Variants in RBFOX3 observed in about 807,000 individuals in gnomAD.
The protein encoded by RBFOX3 is RNA binding protein fox-1 homolog 3.
In RBFOX3, 17 loss-of-function variants were observed where a neutral mutation model predicts 48.7. The observed-to-expected ratio is 0.35, with a 90% CI of 0.24 to 0.52. RBFOX3 has a LOEUF of 0.52. Among genes scored for constraint, RBFOX3 ranks in the 20% least tolerant of loss-of-function variants. RBFOX3 has a pLI of 0.94. For missense variants in RBFOX3, 382 were observed against 497.5 expected (o/e 0.77, Z 2.21); for synonymous variants, 212 against 209.5 (o/e 1.01, Z -0.10).
intron 2 of RBFOX3, among the ~76,000 whole-genome samples, chr17:79,331,473 C>G (rs1320769874): frequency 6.6e-6 from 1 of 152,216 alleles, no homozygotes; most frequent in Non-Finnish European, 1.5e-5. Context: ...GGGGACCCAA[C>G]ACAAATGTTT....
At chr17:79,580,817 A>G (rs919485113) in intron 1 of RBFOX3, among the ~76,000 whole-genome samples, 38 of 152,246 alleles carry the variant, frequency 2.5e-4, no homozygotes, top group African/African-American at 8.7e-4. Context: ...GCCCCATATC[A>G]ATGACTTTGG....
the RBFOX3 span, among the ~76,000 whole-genome samples, chr17:79,653,950 C>G: frequency 6.6e-6 from 1 of 151,448 alleles, no homozygotes; most frequent in Non-Finnish European, 1.5e-5. Flanking sequence ...GTTAGGGCAC[C>G]TGTACTGGAA....
chr17:79,115,531 G>A lies in RBFOX3; in HGVS notation c.185C>T (p.Ala62Val), dbSNP rs1289325621. 7 of 1,345,652 alleles carry A rather than the reference G, an allele frequency of 5.2e-6. No individual in the cohort carries two copies. In the East Asian group the frequency reaches 1.5e-4, roughly 29 times the overall value. The allele number at this position is 1,345,652 out of a possible 1,614,324, so 83.4% of individuals were successfully genotyped here. Residue 62 changes from alanine to valine, a missense_variant, in exon 5 of 15, where the codon GCC becomes GTC. Physicochemically the swap from Ala to Val is moderately conservative, Grantham distance 64. Coordinates refer to ENST00000693108, the MANE Select transcript of RBFOX3 (RefSeq NM_001350451.2). ...GGTCCCGGCGATGGGCTGTGTGCTG[G>A]CCTCGGAGCCTGGCTGCTCGGGGTG... ...QTHPEQPGSE[A>V]STQPIAGTQT...
chr17:79,598,726 A>C (rs2093632198), intron 1 of RBFOX3: 1 of 152,132 alleles, frequency 6.6e-6, no homozygotes, highest in East Asian at 1.9e-4. Context: ...GAAGTTTAAA[A>C]AAATAAGTTT....
chr17:79,226,143 GGA>G (rs1271128248), intron 4 of RBFOX3, among the ~76,000 whole-genome samples: 1 of 152,198 alleles, frequency 6.6e-6, no homozygotes, highest in East Asian at 1.9e-4. Flanking sequence ...AGCTATTTGG[GGA>G]ACCAGCAAGG....
intron 2 of RBFOX3, among the ~76,000 whole-genome samples, chr17:79,370,560 T>A (rs973342764): frequency 6.8e-6 from 1 of 147,426 alleles, no homozygotes; most frequent in East Asian, 2.0e-4. Context: ...CATACATACA[T>A]GTGTGCTCAC....
At chr17:79,182,428 G>A (rs1383941220) in intron 4 of RBFOX3, among the ~76,000 whole-genome samples, 1 of 152,208 alleles carries the variant, frequency 6.6e-6, no homozygotes, top group Non-Finnish European at 1.5e-5. Context: ...GGCCCACAGA[G>A]GCCGAGGGGC....
chr17:79,503,876 A>T (rs1362369576), intron 1 of RBFOX3, among the ~76,000 whole-genome samples: 1 of 152,210 alleles, frequency 6.6e-6, no homozygotes, highest in Admixed American at 6.5e-5. Flanking sequence ...CAGAGCTCAC[A>T]GGGGCTCCTG....
At chr17:79,572,282 G>A (rs2092702978) in intron 1 of RBFOX3, among the ~76,000 whole-genome samples, 1 of 152,120 alleles carries the variant, frequency 6.6e-6, no homozygotes, top group Admixed American at 6.5e-5. Context: ...AGTCTTTAGG[G>A]CAGCATCGCC....
chr17:79,645,031 C>G, the RBFOX3 span, among the ~76,000 whole-genome samples: 1 of 152,174 alleles, frequency 6.6e-6, no homozygotes, highest in East Asian at 1.9e-4. Context: ...CGTGTGTAAT[C>G]TAGCAGTAAA....
intron 2 of RBFOX3, among the ~76,000 whole-genome samples, chr17:79,460,002 G>A (rs2075163013): frequency 6.6e-6 from 1 of 152,152 alleles, no homozygotes; most frequent in African/African-American, 2.4e-5. Flanking sequence ...GTGCTGCAAT[G>A]TGCTGCAGAA....
chr17:79,360,430 A>G (rs1030237688), intron 2 of RBFOX3, among the ~76,000 whole-genome samples: 1 of 152,176 alleles, frequency 6.6e-6, no homozygotes, highest in Non-Finnish European at 1.5e-5. Context: ...AGCCCCGCCA[A>G]GCGCCGCACC....
chr17:79,277,260 AGC>A (rs2069075936), intron 3 of RBFOX3, among the ~76,000 whole-genome samples: 1 of 95,274 alleles, frequency 1.0e-5, no homozygotes, highest in Non-Finnish European at 2.2e-5. Context: ...GATCTTTCAA[AGC>A]TCCAAGGCCT....
rs2056097001 is a variant in RBFOX3 at position 79,198,298 on chromosome 17, A to C, written c.-34+37468T>G. 6.6e-6 allele frequency among the ~76,000 whole-genome samples: 1 copy of C among 152,156 alleles called. No individual in the cohort carries two copies. Among genetic ancestry groups the C allele is most frequent in the Non-Finnish European group, 1.5e-5 (1 of 68,018 alleles). On this transcript the variant is annotated intron_variant, in intron 4 of 14. Transcript: ENST00000693108. This position sits in a 1 kb window ranked among gnomAD's most constrained non-coding sequence, Gnocchi z 8.2. Reference sequence around the variant, plus strand: ...GCCCTGCACCTCTCCATCCCACATGAGGCGACCTTGCAGGCACAGGTGCGG... The same window carrying C: ...GCCCTGCACCTCTCCATCCCACATGCGGCGACCTTGCAGGCACAGGTGCGG...
chr17:79,435,656 G>A (rs1356112547), intron 2 of RBFOX3, among the ~76,000 whole-genome samples: 6 of 152,144 alleles, frequency 3.9e-5, no homozygotes, highest in Non-Finnish European at 7.4e-5. Flanking sequence ...GCTCAGGCCC[G>A]GGCCCCTGGG....
chr17:79,260,689 C>G (rs2065615561), intron 3 of RBFOX3, among the ~76,000 whole-genome samples: 2 of 152,172 alleles, frequency 1.3e-5, no homozygotes, highest in South Asian at 4.1e-4. Flanking sequence ...AGCCAGCTTG[C>G]CCGGCCTTGG....
chr17:79,115,550 C>A lies in RBFOX3; in HGVS notation c.166G>T (p.Glu56Ter). 7.5e-7 allele frequency: 1 copy of A among 1,334,838 alleles called. No homozygotes were observed. The highest frequency in any genetic ancestry group is 9.6e-7 in the Non-Finnish European group (1 of 1,040,058). The allele number at this position is 1,334,838 out of a possible 1,614,324, so 82.7% of individuals were successfully genotyped here. Residue 56 changes from glutamate to a stop codon, truncating the protein, a stop_gained, in exon 5 of 15, where the codon GAG (glutamate) becomes TAG (stop). Transcript: ENST00000693108. LOFTEE classifies it high-confidence loss of function. ...GTGCTGGCCTCGGAGCCTGGCTGCT[C>A]GGGGTGGGTCTGTGCTGGTGTGTAC... is the stretch of plus-strand genomic sequence containing the variant. ...TLYTPAQTHP[E>*]QPGSEASTQP...
At chr17:79,573,553 C>T (rs1599191180) in intron 1 of RBFOX3, among the ~76,000 whole-genome samples, 1 of 152,202 alleles carries the variant, frequency 6.6e-6, no homozygotes, top group Non-Finnish European at 1.5e-5. Flanking sequence ...CCCTGACTTC[C>T]CCAGCACGGG....
At chr17:79,228,354 A>G (rs2060580730) in intron 4 of RBFOX3, among the ~76,000 whole-genome samples, 1 of 152,044 alleles carries the variant, frequency 6.6e-6, no homozygotes, top group South Asian at 2.1e-4. Flanking sequence ...AACCAGGGAG[A>G]AATTACTCTG....
Sources: gnomAD v4.1 joint callset for allele counts (sites outside exome capture counted in the v4.1 genomes callset) on GRCh38, gnomAD v4.1.1 for gene constraint, Gnocchi (gnomAD v3.1) non-coding constraint, MANE v1.5 for transcripts, NCBI Gene and HGNC (gene_info 2026-07-23, HGNC 2026-07-21) for gene names.